The following CPEB1 variants were observed in gnomAD, a reference collection of about 807,000 sequenced individuals.
The protein encoded by CPEB1 is cytoplasmic polyadenylation element binding protein 1, also known as cytoplasmic polyadenylation element-binding protein 1.
Under a neutral mutation model 65.8 loss-of-function variants are expected in CPEB1, and 7 were observed. The ratio of observed to expected loss-of-function variants is 0.11; its 90% CI spans 0.06 to 0.20. CPEB1 has a LOEUF of 0.20. CPEB1 is among the 10% of genes least tolerant of loss of function. The pLI is 1.00. For missense variants in CPEB1, 551 were observed against 712.2 expected (o/e 0.77, Z 2.58); for synonymous variants, 262 against 260.0 (o/e 1.01, Z -0.08).
intron 3 of CPEB1, among the ~76,000 whole-genome samples, chr15:82,625,710 T>C (rs546009218): frequency 1.3e-5 from 2 of 152,364 alleles, no homozygotes; most frequent in African/African-American, 4.8e-5. Context: ...CAGTCCAACG[T>C]AGTGTTGCTC....
chr15:82,557,152 A>G (rs977581646), intron 5 of CPEB1, among the ~76,000 whole-genome samples: 1 of 152,072 alleles, frequency 6.6e-6, no homozygotes, highest in African/African-American at 2.4e-5. Context: ...TCATTTGCCA[A>G]CTCCACTTAG....
At chr15:82,640,996 A>G (rs2047063377) in intron 1 of CPEB1, 1 of 152,142 alleles carries the variant, frequency 6.6e-6, no homozygotes, top group South Asian at 2.1e-4. Flanking sequence ...AGAGTGTATG[A>G]ATTTTACAAA....
chr15:82,571,856 A>G (rs1467961554), intron 3 of CPEB1: 5 of 1,095,946 alleles, frequency 4.6e-6, no homozygotes, highest in Non-Finnish European at 5.5e-6. Context: ...ATCATCCCTC[A>G]CAGAACGGGG....
chr15:82,576,492 G>A (rs563628450), intron 3 of CPEB1, among the ~76,000 whole-genome samples: 10 of 152,270 alleles, frequency 6.6e-5, no homozygotes, highest in African/African-American at 2.2e-4. Flanking sequence ...TTAATGATAT[G>A]TATGGTGAAG....
chr15:82,558,705 G>C (rs1886032340), intron 4 of CPEB1, among the ~76,000 whole-genome samples: 1 of 152,168 alleles, frequency 6.6e-6, no homozygotes, highest in African/African-American at 2.4e-5. Context: ...TTAGGGTGGA[G>C]TATCAACTAT....
intron 10 of CPEB1, among the ~76,000 whole-genome samples, chr15:82,548,105 G>T (rs2035589464): frequency 6.6e-6 from 1 of 152,252 alleles, no homozygotes; most frequent in South Asian, 2.1e-4. Flanking sequence ...GGGAGGCCAA[G>T]GTGGGCGGAT....
chr15:82,587,877 T>A (rs1202400634), intron 3 of CPEB1, among the ~76,000 whole-genome samples: 3 of 152,134 alleles, frequency 2.0e-5, no homozygotes, highest in Non-Finnish European at 4.4e-5. Context: ...GTTCAGTACT[T>A]CTAAGATTCT....
At chr15:82,638,030 T>G (rs536645029) in intron 1 of CPEB1, 2 of 447,264 alleles carry the variant, frequency 4.5e-6, no homozygotes, top group East Asian at 1.4e-4. Context: ...TGGTTTAATA[T>G]AAGATAGCGG....
intron 4 of CPEB1, among the ~76,000 whole-genome samples, chr15:82,571,121 T>C (rs1209756372): frequency 6.6e-6 from 1 of 152,140 alleles, no homozygotes; most frequent in Non-Finnish European, 1.5e-5. Flanking sequence ...CTCCAGGGAA[T>C]TTATCAGGGT....
Position 82,553,481 on chromosome 15 carries a change from C to T in CPEB1, c.1130G>A (p.Arg377Gln), listed in dbSNP as rs1018099950. The part of the protein sequence containing the change: ...EWPGKDGKHP[R>Q]CPPKGYVYLV... ...AGGCATATTACCTTTGGGAGGACAC[C>T]GGGGATGCTTGCCATCCTTACCAGG... The change falls in exon 8 of 13, where the codon CGG (arginine) becomes CAG (glutamine). Residue 377 changes from arginine (R) to glutamine (Q), a missense_variant. Around this residue, in one of 6 missense-constraint regions of CPEB1, gnomAD observed 99 missense variants for 161.3 expected, o/e 0.61. Coordinates refer to ENST00000684509, the MANE Select transcript of CPEB1 (RefSeq NM_001365242.1). 4 of 1,613,460 alleles carry T rather than the reference C, an allele frequency of 2.5e-6. No individual in the cohort carries two copies. The highest frequency in any genetic ancestry group is 3.4e-6 in the Non-Finnish European group (4 of 1,179,652).
At chr15:82,555,790 C>T in intron 6 of CPEB1, 80 bp downstream of exon 6, 2 of 1,496,816 alleles carry the variant, frequency 1.3e-6, no homozygotes, top group Non-Finnish European at 1.8e-6. Context: ...AGACAGTTCA[C>T]AAGTGTGTGA....
At chr15:82,627,477 T>C (rs202055971) in intron 2 of CPEB1, 110 bp from the exon 3 acceptor site, 116 of 787,048 alleles carry the variant, frequency 1.5e-4, no homozygotes, top group Non-Finnish European at 2.1e-4. Flanking sequence ...ATCTTCTTTA[T>C]ACATTAAAAC....
intron 12 of CPEB1, among the ~76,000 whole-genome samples, chr15:82,545,363 TCCAAATCTGA>T (rs2034995695): frequency 6.6e-6 from 1 of 152,136 alleles, no homozygotes; most frequent in Non-Finnish European, 1.5e-5. Context: ...ATTCAGAGAC[TCCAAATCTGA>T]TCAATGGCAT....
intron 4 of CPEB1, among the ~76,000 whole-genome samples, chr15:82,563,503 ATTTTTT>A: frequency 7.4e-6 from 1 of 134,780 alleles, no homozygotes; most frequent in African/African-American, 2.7e-5. Context: ...TGTCTGACTA[ATTTTTT>A]TTTTTTTTTT....
chr15:82,582,894 C>T (rs1425961532), intron 3 of CPEB1, among the ~76,000 whole-genome samples: 1 of 151,878 alleles, frequency 6.6e-6, no homozygotes, highest in Non-Finnish European at 1.5e-5. Context: ...AGACACTGGC[C>T]ACCACGACAG....
At chr15:82,545,336 A>C (rs540572387) in intron 12 of CPEB1, among the ~76,000 whole-genome samples, 3 of 152,208 alleles carry the variant, frequency 2.0e-5, no homozygotes, top group Non-Finnish European at 4.4e-5. Context: ...CTCACTTGAG[A>C]GCCTCAGTTT....
chr15:82,627,464 A>C (rs2045869474), intron 2 of CPEB1, 97 bp from the exon 3 acceptor site: 5 of 909,504 alleles, frequency 5.5e-6, no homozygotes, highest in African/African-American at 1.7e-5. Context: ...GAAGGACTTA[A>C]GTATCTTCTT....
At chr15:82,608,259 A>C (rs755282830) in intron 3 of CPEB1, among the ~76,000 whole-genome samples, 1 of 152,124 alleles carries the variant, frequency 6.6e-6, no homozygotes, top group Admixed American at 6.5e-5. Flanking sequence ...ATATTTAATA[A>C]TTGCCTCTGA....
chr15:82,620,437 A>G (rs2151291510), intron 3 of CPEB1, among the ~76,000 whole-genome samples: 1 of 151,856 alleles, frequency 6.6e-6, no homozygotes, highest in South Asian at 2.1e-4. Flanking sequence ...AAAGAAAAAA[A>G]AAGTGTACAT....
Sources: gnomAD v4.1 joint callset for allele counts (sites outside exome capture counted in the v4.1 genomes callset) on GRCh38, gnomAD v4.1.1 for gene constraint, gnomAD v4.1.1 regional missense constraint, MANE v1.5 for transcripts, NCBI Gene and HGNC (gene_info 2026-07-23, HGNC 2026-07-21) for gene names.